JCAD: variants seen among roughly 807,000 people sequenced by gnomAD.
JCAD encodes the protein junctional cadherin 5 associated.
A neutral mutation model predicts 98.0 loss-of-function variants in JCAD; 40 were observed. The observed-to-expected ratio is 0.41, with a 90% CI of 0.32 to 0.53. The LOEUF (loss-of-function observed/expected upper bound fraction) is 0.53. Ranked by LOEUF, JCAD falls within the 20% of genes least tolerant of loss-of-function variation. The probability of loss-of-function intolerance (pLI) is 0.31; values close to 1 mark genes in which losing one functional copy is unlikely to be tolerated. For missense variants in JCAD, 1,705 were observed against 1,738.1 expected (o/e 0.98, Z 0.34); for synonymous variants, 691 against 682.3 (o/e 1.01, Z -0.20).
At chr10:30,036,350 G>A (rs1030872270) in intron 2 of JCAD, among the ~76,000 whole-genome samples, 2 of 152,044 alleles carry the variant, frequency 1.3e-5, no homozygotes, top group African/African-American at 2.4e-5. Flanking sequence ...TTGGGAAACC[G>A]AGGCAGGAGA....
intron 2 of JCAD, 133 bp downstream of exon 2, chr10:30,047,399 G>C (rs962933010): frequency 2.4e-5 from 26 of 1,083,784 alleles, no homozygotes; most frequent in Non-Finnish European, 3.3e-5. Context: ...AGCAAAAAAA[G>C]TGTTCTTGTG....
intron 1 of JCAD, among the ~76,000 whole-genome samples, chr10:30,081,102 C>T (rs1351109728): frequency 6.6e-6 from 1 of 152,194 alleles, no homozygotes; most frequent in Non-Finnish European, 1.5e-5. Flanking sequence ...TGGGGTTTCC[C>T]AGATGAAGGC....
chr10:30,027,249 C>G lies in JCAD; in HGVS notation c.2899G>C (p.Glu967Gln), dbSNP rs746318310. 1.5e-5 allele frequency: 24 copies of G among 1,614,110 alleles called. No homozygotes were observed. The highest frequency in any genetic ancestry group is 1.9e-5 in the Non-Finnish European group (23 of 1,180,048). Residue 967 changes from glutamate to glutamine, a missense_variant, in exon 3 of 4, where the codon GAG (glutamate) becomes CAG (glutamine). By Grantham distance (29) the Glu-to-Gln change is conservative (BLOSUM62 2). Coordinates refer to ENST00000375377, the MANE Select transcript of JCAD (RefSeq NM_020848.4). ...ACAGGAAATGGGCTACCTGCCAGCTCGTCCATTCCGTTGCTAACCTCCAGG... is the reference window on the plus strand; with the variant it reads ...ACAGGAAATGGGCTACCTGCCAGCTGGTCCATTCCGTTGCTAACCTCCAGG... Reference protein sequence around the residue: ...RHLEVSNGMDELAGSPFPVTR... With the variant: ...RHLEVSNGMDQLAGSPFPVTR...
At position 30,027,939 on chromosome 10, in the gene JCAD, G is replaced by A. The variant is rs1836871852; in HGVS notation, c.2209C>T (p.Pro737Ser). Residue 737 changes from proline (P) to serine (S), a missense_variant, in exon 3 of 4, where the codon CCT (proline) becomes TCT (serine). By Grantham distance (74) the Pro-to-Ser change is moderately conservative. This residue lies in a region of JCAD where 1,278 missense variants were observed against 1,243.1 expected (regional missense o/e 1.03). Transcript: ENST00000375377. ...GGCCTCTGTTTGTGATCACCGGTAG[G>A]GAATGCTGTGTGCGTCTGAGCTTCG... ...ASEAQTHTAF[P>S]TGDHKQRPSA... 1 of 1,614,234 alleles carries A rather than the reference G, an allele frequency of 6.2e-7. No homozygotes were observed. Among genetic ancestry groups the A allele is most frequent in the African/African-American group, 1.3e-5 (1 of 75,060 alleles).
intron 1 of JCAD, among the ~76,000 whole-genome samples, chr10:30,104,464 C>G (rs900164864): frequency 6.6e-6 from 1 of 151,596 alleles, no homozygotes; most frequent in African/African-American, 2.4e-5. Flanking sequence ...CCTAAACAAA[C>G]TAATGCAAGA....
At chr10:30,090,874 C>T (rs1260217537) in intron 1 of JCAD, among the ~76,000 whole-genome samples, 1 of 152,134 alleles carries the variant, frequency 6.6e-6, no homozygotes, top group African/African-American at 2.4e-5. Flanking sequence ...GGAGCCAAAC[C>T]CCACGGCAGG....
chr10:30,020,240 T>A (rs1336275586), intron 3 of JCAD, among the ~76,000 whole-genome samples: 1 of 144,198 alleles, frequency 6.9e-6, no homozygotes, highest in African/African-American at 2.6e-5. Flanking sequence ...GGCACGAGAA[T>A]CATTTGAACC....
chr10:30,051,268 G>T (rs61288381), intron 1 of JCAD, among the ~76,000 whole-genome samples: 1 of 132,584 alleles, frequency 7.5e-6, no homozygotes, highest in African/African-American at 2.9e-5. Flanking sequence ...ACGCACACAC[G>T]CACGCACACA....
intron 1 of JCAD, among the ~76,000 whole-genome samples, chr10:30,115,060 A>G (rs778185390): frequency 2.6e-5 from 4 of 152,192 alleles, no homozygotes; most frequent in Non-Finnish European, 5.9e-5. Context: ...CCAGACAGTG[A>G]ATAAGACCAA....
At chr10:30,043,644 C>A (rs1055686537) in intron 2 of JCAD, among the ~76,000 whole-genome samples, 1 of 152,162 alleles carries the variant, frequency 6.6e-6, no homozygotes, top group Non-Finnish European at 1.5e-5. Context: ...CCATGCATGC[C>A]AGGGGGAGGG....
intron 1 of JCAD, among the ~76,000 whole-genome samples, chr10:30,073,139 A>G (rs1218458877): frequency 6.6e-6 from 1 of 152,204 alleles, no homozygotes; most frequent in Non-Finnish European, 1.5e-5. Context: ...TTCCCTGTTT[A>G]TCAGGAGGTA....
chr10:30,096,667 G>T (rs1433168066), intron 1 of JCAD, among the ~76,000 whole-genome samples: 7 of 150,670 alleles, frequency 4.6e-5, no homozygotes, highest in Non-Finnish European at 2.9e-5. Context: ...AACATCTCAG[G>T]TCCCTGAATG....
chr10:30,074,312 A>G (rs1256824835), intron 1 of JCAD, among the ~76,000 whole-genome samples: 1 of 152,180 alleles, frequency 6.6e-6, no homozygotes, highest in Non-Finnish European at 1.5e-5. Flanking sequence ...GAATGGGACC[A>G]TATTATAAAC....
upstream of JCAD, among the ~76,000 whole-genome samples, chr10:30,063,846 T>G (rs1837742882): frequency 6.6e-6 from 1 of 152,074 alleles, no homozygotes; most frequent in South Asian, 2.1e-4. Flanking sequence ...CTTGCTCTGT[T>G]GCCCAGCCTG....
intron 3 of JCAD, among the ~76,000 whole-genome samples, chr10:30,023,372 A>G (rs1016532842): frequency 2.0e-5 from 3 of 152,174 alleles, no homozygotes; most frequent in Non-Finnish European, 2.9e-5. Context: ...AGATACACAA[A>G]TGCTTTCCAT....
At chr10:30,100,730 T>C (rs1417575611) in intron 1 of JCAD, among the ~76,000 whole-genome samples, 1 of 152,110 alleles carries the variant, frequency 6.6e-6, no homozygotes, top group Non-Finnish European at 1.5e-5. Context: ...AATGACTTGA[T>C]TGGATTTAGA....
intron 1 of JCAD, among the ~76,000 whole-genome samples, chr10:30,070,688 A>G (rs1261890770): frequency 1.3e-5 from 2 of 152,198 alleles, no homozygotes; most frequent in Non-Finnish European, 2.9e-5. Context: ...CCCTCCAGCT[A>G]CAGCATATGC....
chr10:30,062,313 TCAAAA>T (rs1564459810), upstream of JCAD, among the ~76,000 whole-genome samples: 1 of 152,216 alleles, frequency 6.6e-6, no homozygotes, highest in Non-Finnish European at 1.5e-5. Context: ...CATCCTCATT[TCAAAA>T]TGTTTGGCTT....
At chr10:30,114,741 T>C (rs1237167079) in intron 1 of JCAD, among the ~76,000 whole-genome samples, 3 of 152,094 alleles carry the variant, frequency 2.0e-5, no homozygotes, top group East Asian at 3.8e-4. Flanking sequence ...AAGTCTCTAA[T>C]GATGTATCAC....
Sources: gnomAD v4.1 joint callset for allele counts (sites outside exome capture counted in the v4.1 genomes callset) on GRCh38, gnomAD v4.1.1 for gene constraint, gnomAD v4.1.1 regional missense constraint, MANE v1.5 for transcripts, NCBI Gene and HGNC (gene_info 2026-07-23, HGNC 2026-07-21) for gene names.